GABRG3: variants seen among roughly 807,000 people sequenced by gnomAD.
The protein encoded by GABRG3 is gamma-aminobutyric acid type A receptor subunit gamma3.
A neutral mutation model predicts 48.8 loss-of-function variants in GABRG3; 25 were observed. The ratio of observed to expected loss-of-function variants is 0.51; its 90% CI spans 0.37 to 0.72. The LOEUF is 0.72. Ranked by LOEUF, GABRG3 falls within the 30% of genes least tolerant of loss-of-function variation. GABRG3 has a pLI of 0.00. For missense variants in GABRG3, 394 were observed against 577.9 expected (o/e 0.68, Z 3.26); for synonymous variants, 227 against 217.6 (o/e 1.04, Z -0.38).
chr15:27,359,416 A>G (rs528564067), intron 5 of GABRG3, among the ~76,000 whole-genome samples: 4 of 152,346 alleles, frequency 2.6e-5, no homozygotes, highest in South Asian at 4.1e-4. Context: ...ATTTTCCACA[A>G]TGGTCTGTGA....
At chr15:27,530,912 A>T (rs1026091293) in intron 9 of GABRG3, 9 of 335,298 alleles carry the variant, frequency 2.7e-5, no homozygotes, top group South Asian at 2.0e-4. Context: ...ATAAAGGCAG[A>T]TCTTTCAACC....
At chr15:27,026,973 TAAA>T (rs28399527) in intron 3 of GABRG3, 152 bp downstream of exon 3, 172 of 465,830 alleles carry the variant, frequency 3.7e-4, no homozygotes, top group South Asian at 9.3e-4. Context: ...TTGAAAATGG[TAAA>T]AAAAAAAATG....
chr15:27,260,245 T>C (rs1890731974), intron 3 of GABRG3, among the ~76,000 whole-genome samples: 1 of 152,178 alleles, frequency 6.6e-6, no homozygotes, highest in African/African-American at 2.4e-5. Flanking sequence ...AGATGCTGCT[T>C]GCTGTGTCCT....
At chr15:27,145,733 G>C (rs1210729769) in intron 3 of GABRG3, among the ~76,000 whole-genome samples, 2 of 151,524 alleles carry the variant, frequency 1.3e-5, no homozygotes, top group East Asian at 3.9e-4. Context: ...CTTCAAACTT[G>C]ATGAAAACCA....
intron 6 of GABRG3, among the ~76,000 whole-genome samples, chr15:27,498,349 G>T (rs1595793582): frequency 6.6e-6 from 1 of 151,792 alleles, no homozygotes; most frequent in East Asian, 1.9e-4. Flanking sequence ...TAAATTATTT[G>T]TTTCTTTCTG....
intron 3 of GABRG3, among the ~76,000 whole-genome samples, chr15:27,215,731 G>T (rs972337531): frequency 1.3e-5 from 2 of 152,282 alleles, no homozygotes; most frequent in East Asian, 1.9e-4. Flanking sequence ...AGGGGTGTGG[G>T]TCATGCCATG....
At chr15:27,356,105 T>A (rs1894829830) in intron 5 of GABRG3, among the ~76,000 whole-genome samples, 1 of 152,198 alleles carries the variant, frequency 6.6e-6, no homozygotes, top group African/African-American at 2.4e-5. Flanking sequence ...TACAGCTCAA[T>A]AAAGCTGCTA....
intron 3 of GABRG3, among the ~76,000 whole-genome samples, chr15:27,255,937 G>A (rs1890597264): frequency 1.3e-5 from 2 of 152,206 alleles, no homozygotes. Context: ...GCAGAATAAT[G>A]ACCCTCTCTC....
At chr15:27,093,066 G>A (rs1897217542) in intron 3 of GABRG3, among the ~76,000 whole-genome samples, 1 of 152,026 alleles carries the variant, frequency 6.6e-6, no homozygotes, top group South Asian at 2.1e-4. Context: ...GCAGCCATTG[G>A]GTTGAGAGAG....
intron 7 of GABRG3, among the ~76,000 whole-genome samples, chr15:27,524,880 G>A (rs1891237389): frequency 6.6e-6 from 1 of 152,114 alleles, no homozygotes; most frequent in Non-Finnish European, 1.5e-5. Context: ...TACATTCAAT[G>A]TAAATTGCTG....
intron 5 of GABRG3, among the ~76,000 whole-genome samples, chr15:27,412,668 T>G (rs1485130504): frequency 6.6e-6 from 1 of 152,234 alleles, no homozygotes; most frequent in Non-Finnish European, 1.5e-5. Flanking sequence ...AGAGGCAGCG[T>G]GGTCTTAGAC....
intron 3 of GABRG3, among the ~76,000 whole-genome samples, chr15:27,156,726 T>C (rs1459921611): frequency 6.6e-6 from 1 of 152,238 alleles, no homozygotes; most frequent in Non-Finnish European, 1.5e-5. Flanking sequence ...TTTTTGATTT[T>C]GGTTGAAGAT....
At chr15:27,047,458 T>G (rs1390853348) in intron 3 of GABRG3, among the ~76,000 whole-genome samples, 2 of 152,222 alleles carry the variant, frequency 1.3e-5, no homozygotes, top group Non-Finnish European at 2.9e-5. Context: ...TCATAGTTAA[T>G]TATGAAAATC....
chr15:27,073,657 T>G (rs538860595), intron 3 of GABRG3, among the ~76,000 whole-genome samples: 2 of 152,370 alleles, frequency 1.3e-5, no homozygotes, highest in African/African-American at 4.8e-5. Context: ...TGTGAACTAG[T>G]TAGCTATTGC....
chr15:27,388,511 A>G (rs1896118241), intron 5 of GABRG3, among the ~76,000 whole-genome samples: 1 of 151,976 alleles, frequency 6.6e-6, no homozygotes, highest in Non-Finnish European at 1.5e-5. Flanking sequence ...ATTTTTAACA[A>G]GGTTTCAGAA....
At chr15:27,303,242 C>T (rs768780997) in intron 3 of GABRG3, among the ~76,000 whole-genome samples, 10 of 149,152 alleles carry the variant, frequency 6.7e-5, no homozygotes, top group Non-Finnish European at 1.2e-4. Context: ...AAAAAAAAGA[C>T]ACAAATTACC....
intron 3 of GABRG3, among the ~76,000 whole-genome samples, chr15:27,169,578 C>T (rs1285682915): frequency 6.6e-6 from 1 of 152,070 alleles, no homozygotes; most frequent in African/African-American, 2.4e-5. Flanking sequence ...CGACATTTCC[C>T]ATGGAGGTCA....
intron 5 of GABRG3, among the ~76,000 whole-genome samples, chr15:27,446,499 C>T (rs896317847): frequency 2.6e-5 from 4 of 151,912 alleles, no homozygotes; most frequent in Non-Finnish European, 4.4e-5. Flanking sequence ...GGAAAATATT[C>T]ATTTAAATGA....
At chr15:27,106,077 G>T (rs147039476) in intron 3 of GABRG3, among the ~76,000 whole-genome samples, 2 of 152,162 alleles carry the variant, frequency 1.3e-5, no homozygotes, top group South Asian at 2.1e-4. Flanking sequence ...TATAAAGTCC[G>T]TCAACTATAC....
Sources: gnomAD v4.1 joint callset for allele counts (sites outside exome capture counted in the v4.1 genomes callset) on GRCh38, gnomAD v4.1.1 for gene constraint, MANE v1.5 for transcripts, NCBI Gene and HGNC (gene_info 2026-07-23, HGNC 2026-07-21) for gene names.